The following FRMD4A variants were observed in gnomAD, a reference collection of about 807,000 sequenced individuals.
FRMD4A encodes FERM domain-containing protein 4A.
FRMD4A carries 29 observed loss-of-function variants against 129.1 expected under a neutral mutation model. The observed-to-expected ratio is 0.22, with a 90% CI of 0.17 to 0.31. The LOEUF (loss-of-function observed/expected upper bound fraction) is 0.31. FRMD4A is among the 10% of genes least tolerant of loss of function. The pLI is 1.00. For missense variants in FRMD4A, 1,272 were observed against 1,375.8 expected (o/e 0.92, Z 1.19); for synonymous variants, 634 against 571.6 (o/e 1.11, Z -1.56).
intron 2 of FRMD4A, among the ~76,000 whole-genome samples, chr10:13,930,165 T>C (rs567281094): frequency 1.1e-4 from 17 of 152,310 alleles, no homozygotes; most frequent in African/African-American, 3.8e-4. Context: ...CAGAGAACTA[T>C]GTATTTGTGG....
chr10:13,701,134 C>A (rs1423315297), intron 14 of FRMD4A, among the ~76,000 whole-genome samples: 2 of 152,038 alleles, frequency 1.3e-5, no homozygotes, highest in Non-Finnish European at 1.5e-5. Flanking sequence ...GTGGTCAGAG[C>A]CCCCTGGACC....
chr10:14,267,174 G>A (rs1845008608), intron 2 of FRMD4A, among the ~76,000 whole-genome samples: 1 of 152,162 alleles, frequency 6.6e-6, no homozygotes, highest in Non-Finnish European at 1.5e-5. Context: ...AAGGTATGAG[G>A]TCAAGCTCTT....
intron 2 of FRMD4A, among the ~76,000 whole-genome samples, chr10:14,176,166 C>G (rs1003624923): frequency 6.6e-6 from 1 of 152,156 alleles, no homozygotes; most frequent in Admixed American, 6.5e-5. Flanking sequence ...TCTGATGATA[C>G]AGTGGAGAAT....
rs184390768 is a variant in FRMD4A, at chr10:14,262,996, C to G, written c.45+67062G>C. 5.9e-5 allele frequency among the ~76,000 whole-genome samples: 9 copies of G among 152,174 alleles called. No homozygotes were observed. In the South Asian group the frequency reaches 1.9e-3, roughly 32 times the overall value. On this transcript the variant is annotated intron_variant, in intron 2 of 24. Transcript: ENST00000357447. Reference sequence around the variant, plus strand: ...TTCTCATTCTGTCTGTCAGTGCAGGCGAGAGGGGGAAATACACCAGGTCAG... The same window carrying G: ...TTCTCATTCTGTCTGTCAGTGCAGGGGAGAGGGGGAAATACACCAGGTCAG...
intron 2 of FRMD4A, among the ~76,000 whole-genome samples, chr10:14,262,349 C>T (rs1253622727): frequency 1.3e-5 from 2 of 152,138 alleles, no homozygotes; most frequent in East Asian, 1.9e-4. Context: ...ATGGGGATGG[C>T]GATGCCAACT....
intron 2 of FRMD4A, among the ~76,000 whole-genome samples, chr10:13,976,239 G>A (rs1266704747): frequency 1.3e-5 from 2 of 152,210 alleles, no homozygotes; most frequent in South Asian, 4.1e-4. Context: ...CCAAGGAGAA[G>A]CTGAGGTCTT....
chr10:13,890,583 A>G, intron 2 of FRMD4A: 1 of 985,098 alleles, frequency 1.0e-6, no homozygotes, highest in Non-Finnish European at 1.2e-6. Flanking sequence ...GCTCAGACTT[A>G]GAAATGTGCC....
chr10:14,271,870 G>A (rs1019855288), intron 2 of FRMD4A, among the ~76,000 whole-genome samples: 4 of 152,176 alleles, frequency 2.6e-5, no homozygotes, highest in African/African-American at 9.7e-5. Flanking sequence ...CTCAGAAACT[G>A]AAGCGTGGCC....
In FRMD4A at chr10:13,740,498, A is replaced by T. The variant is rs1440577272; in HGVS notation, c.614+14T>A. 2 of 1,500,852 alleles carry T rather than the reference A, an allele frequency of 1.3e-6. No homozygotes were observed. Among genetic ancestry groups the T allele is most frequent in the African/African-American group, 2.8e-5 (2 of 72,300 alleles). The allele number at this position is 1,500,852 out of a possible 1,614,324, so 93.0% of individuals were successfully genotyped here. ...AAACACTGTCCCCATGTGAGCTGGG[A>T]AGGGGCCACTTACTTTACGATTGCT... On this transcript the variant is annotated intron_variant, in intron 10 of 24. Coordinates refer to ENST00000357447, the MANE Select transcript of FRMD4A (RefSeq NM_018027.5).
chr10:14,063,887 T>C (rs1467978642), intron 2 of FRMD4A, among the ~76,000 whole-genome samples: 1 of 151,372 alleles, frequency 6.6e-6, no homozygotes, highest in Admixed American at 6.6e-5. Flanking sequence ...GCCCCAGGAG[T>C]TTTCAGCTCA....
At chr10:13,806,430 G>A (rs1222924099) in intron 4 of FRMD4A, among the ~76,000 whole-genome samples, 2 of 152,184 alleles carry the variant, frequency 1.3e-5, no homozygotes, top group African/African-American at 2.4e-5. Context: ...TTGTACACCT[G>A]GAAACATTAA....
chr10:14,196,164 TACACAC>T lies in FRMD4A; in HGVS notation c.45+133888_45+133893del, dbSNP rs10536108. Among the ~76,000 whole-genome samples the T allele has an allele frequency of 6.3e-4, 94 of 149,496 alleles. 1 individual carries two copies. Among genetic ancestry groups the T allele is most frequent in the Middle Eastern group, 3.4e-3 (1 of 290 alleles). On this transcript the variant is annotated intron_variant, in intron 2 of 24. Coordinates refer to ENST00000357447, the MANE Select transcript of FRMD4A (RefSeq NM_018027.5). ...ACATATATACTCACATGCACACACA[TACACAC>T]ACACACACACACACACACATCCTTG... is the stretch of plus-strand genomic sequence containing the variant.
intron 3 of FRMD4A, among the ~76,000 whole-genome samples, chr10:13,830,652 G>C (rs1217885539): frequency 6.6e-6 from 1 of 152,218 alleles, no homozygotes; most frequent in African/African-American, 2.4e-5. Flanking sequence ...CTTTATGGGA[G>C]GCCTTGCCCT....
chr10:14,219,040 T>C (rs1457204808), intron 2 of FRMD4A, among the ~76,000 whole-genome samples: 1 of 133,754 alleles, frequency 7.5e-6, no homozygotes, highest in African/African-American at 2.9e-5. Context: ...AAGAAGGGGA[T>C]AAGAGGAGGG....
At chr10:14,117,794 T>G (rs1179886553) in intron 2 of FRMD4A, among the ~76,000 whole-genome samples, 1 of 152,204 alleles carries the variant, frequency 6.6e-6, no homozygotes, top group Non-Finnish European at 1.5e-5. Flanking sequence ...TGATGGACTT[T>G]TGCCTTCTTC....
At chr10:14,009,876 T>C (rs1218029086) in intron 2 of FRMD4A, among the ~76,000 whole-genome samples, 1 of 152,202 alleles carries the variant, frequency 6.6e-6, no homozygotes, top group Non-Finnish European at 1.5e-5. Flanking sequence ...GGTTTAGGTT[T>C]ACATCTCTTT....
intron 15 of FRMD4A, among the ~76,000 whole-genome samples, chr10:13,680,179 G>A (rs973728942): frequency 6.6e-6 from 1 of 152,152 alleles, no homozygotes; most frequent in African/African-American, 2.4e-5. Context: ...ACTAAAAGCT[G>A]GTCACAGTGG....
chr10:14,057,881 C>T (rs1024284427), intron 2 of FRMD4A, among the ~76,000 whole-genome samples: 18 of 152,188 alleles, frequency 1.2e-4, no homozygotes, highest in African/African-American at 7.2e-5. Context: ...ACAATCTTAA[C>T]GCTCACTGGT....
At chr10:13,708,167 C>T (rs1386699874) in intron 12 of FRMD4A, among the ~76,000 whole-genome samples, 1 of 152,162 alleles carries the variant, frequency 6.6e-6, no homozygotes, top group African/African-American at 2.4e-5. Context: ...TCCCTGGGCT[C>T]CCCCCTTTCT....
Sources: gnomAD v4.1 joint callset for allele counts (sites outside exome capture counted in the v4.1 genomes callset) on GRCh38, gnomAD v4.1.1 for gene constraint, MANE v1.5 for transcripts, NCBI Gene and HGNC (gene_info 2026-07-23, HGNC 2026-07-21) for gene names.